FRY: variants seen among roughly 807,000 people sequenced by gnomAD.
FRY encodes protein furry homolog.
Under a neutral mutation model 348.4 loss-of-function variants are expected in FRY, and 128 were observed. The observed-to-expected ratio is 0.37, with a 90% CI of 0.32 to 0.43. The LOEUF (loss-of-function observed/expected upper bound fraction) is 0.43. Ranked by LOEUF, FRY falls within the 20% of genes least tolerant of loss-of-function variation. FRY has a pLI of 1.00. For missense variants in FRY, 2,736 were observed against 3,695.2 expected (o/e 0.74, Z 6.73); for synonymous variants, 1,370 against 1,374.7 (o/e 1.00, Z 0.08).
At chr13:32,246,336 T>A (rs1318232536) in intron 47 of FRY, among the ~76,000 whole-genome samples, 1 of 152,246 alleles carries the variant, frequency 6.6e-6, no homozygotes, top group Non-Finnish European at 1.5e-5. Context: ...AATATTTTTA[T>A]GGGAGCGGCA....
chr13:32,193,450 G>A (rs1438657904), intron 28 of FRY, among the ~76,000 whole-genome samples: 1 of 151,610 alleles, frequency 6.6e-6, no homozygotes. Flanking sequence ...CATGCACGGT[G>A]GTAACATCAA....
intron 31 of FRY, among the ~76,000 whole-genome samples, chr13:32,207,166 C>A (rs1884400393): frequency 6.6e-6 from 1 of 152,112 alleles, no homozygotes; most frequent in African/African-American, 2.4e-5. Flanking sequence ...AGTCTTTGCT[C>A]CGAAAAGTCC....
At chr13:32,063,264 A>C (rs956121488) in intron 1 of FRY, among the ~76,000 whole-genome samples, 3 of 152,160 alleles carry the variant, frequency 2.0e-5, no homozygotes, top group African/African-American at 7.2e-5. Context: ...TGTGTAATGC[A>C]TTTGCCAATT....
intron 1 of FRY, among the ~76,000 whole-genome samples, chr13:32,048,136 G>T (rs1007573147): frequency 6.6e-6 from 1 of 152,094 alleles, no homozygotes; most frequent in Non-Finnish European, 1.5e-5. Flanking sequence ...GGGCACATTG[G>T]CTCTGTGAAT....
chr13:32,247,262 C>T (rs1014023206), intron 47 of FRY, 61 bp from the exon 48 acceptor site: 1 of 1,357,142 alleles, frequency 7.4e-7, no homozygotes. Context: ...GTCATTCTGA[C>T]ATACATTAGC....
At chr13:32,151,659 T>C (rs1448627023) in intron 14 of FRY, among the ~76,000 whole-genome samples, 1 of 152,248 alleles carries the variant, frequency 6.6e-6, no homozygotes, top group Non-Finnish European at 1.5e-5. Flanking sequence ...AATTGTCTTG[T>C]TTTAGTGCAC....
intron 11 of FRY, among the ~76,000 whole-genome samples, chr13:32,140,639 T>C (rs548525309): frequency 6.8e-4 from 103 of 151,954 alleles, no homozygotes; most frequent in Admixed American, 1.4e-3. Flanking sequence ...GAAAACCTAA[T>C]AGATATTAGG....
At chr13:32,240,833 C>T (rs1886460202) in intron 46 of FRY, among the ~76,000 whole-genome samples, 1 of 152,160 alleles carries the variant, frequency 6.6e-6, no homozygotes. Context: ...ATCATCAATC[C>T]AGATGCCAGA....
intron 51 of FRY, among the ~76,000 whole-genome samples, chr13:32,260,775 G>A (rs554270948): frequency 2.0e-5 from 3 of 151,746 alleles, no homozygotes; most frequent in East Asian, 1.9e-4. Context: ...AGCTGAGATC[G>A]CGCCACTGCA....
intron 1 of FRY, among the ~76,000 whole-genome samples, chr13:32,050,955 G>A (rs951752704): frequency 1.3e-5 from 2 of 152,084 alleles, no homozygotes; most frequent in African/African-American, 2.4e-5. Context: ...CACCACATAC[G>A]CATTTTAGGA....
intron 26 of FRY, among the ~76,000 whole-genome samples, chr13:32,185,689 A>C (rs961879026): frequency 6.6e-6 from 1 of 152,242 alleles, no homozygotes; most frequent in East Asian, 1.9e-4. Context: ...ATATCTGGTT[A>C]GTTTGCTATA....
At chr13:32,129,197 A>C (rs1879204507) in intron 7 of FRY, among the ~76,000 whole-genome samples, 1 of 152,214 alleles carries the variant, frequency 6.6e-6, no homozygotes, top group Admixed American at 6.5e-5. Flanking sequence ...GAGAGGTTAC[A>C]TGGTGTCCAT....
At position 32,094,795 on chromosome 13, in the gene FRY, A is replaced by G. The variant is rs117878735; in HGVS notation, c.271-7168A>G. ...CTTAGGTTGCTTCTAAATCTTGGCT[A>G]TTGTGCACAGAGCTGCAACAAATGT... On this transcript the variant is annotated intron_variant, in intron 2 of 60. Transcript: ENST00000542859. Among the ~76,000 whole-genome samples, 36 of 152,232 alleles carry G rather than the reference A, an allele frequency of 2.4e-4. No individual in the cohort carries two copies. The East Asian group carries it at 6.6e-3, about 28-fold the overall frequency.
Position 32,178,968 on chromosome 13 carries a change from T to G in FRY, c.2806T>G (p.Leu936Val), listed in dbSNP as rs749894159. 1 of 1,613,970 alleles carries G rather than the reference T, an allele frequency of 6.2e-7. No homozygotes were observed. The highest frequency in any genetic ancestry group is 8.5e-7 in the Non-Finnish European group (1 of 1,179,850). Reference sequence around the variant, plus strand: ...ACCCAGTATTATGAGCCCAGGACACTTAAGAGCTTCCACTCCAGAAATAAT... The same window carrying G: ...ACCCAGTATTATGAGCCCAGGACACGTAAGAGCTTCCACTCCAGAAATAAT... Reference protein sequence around the residue: ...AKPSIMSPGHLRASTPEIMAT... With the variant: ...AKPSIMSPGHVRASTPEIMAT... The change falls in exon 22 of 61, where the codon TTA becomes GTA. Residue 936 changes from leucine (L) to valine (V), a missense_variant. This residue lies in a region of FRY where 449 missense variants were observed against 576.9 expected (regional missense o/e 0.78). Coordinates refer to ENST00000542859, the MANE Select transcript of FRY (RefSeq NM_023037.3).
chr13:32,102,547 A>C (rs1877233469), intron 3 of FRY, among the ~76,000 whole-genome samples: 1 of 152,244 alleles, frequency 6.6e-6, no homozygotes. Flanking sequence ...AGTATAAAAC[A>C]GTATAGGATC....
intron 17 of FRY, among the ~76,000 whole-genome samples, chr13:32,167,937 A>G (rs981560635): frequency 6.6e-6 from 1 of 152,196 alleles, no homozygotes; most frequent in African/African-American, 2.4e-5. Context: ...GGTGGGCTTC[A>G]GGCCTTTTAC....
At chr13:32,144,790 A>T (rs1880297907) in intron 11 of FRY, among the ~76,000 whole-genome samples, 1 of 152,200 alleles carries the variant, frequency 6.6e-6, no homozygotes, top group Admixed American at 6.5e-5. Flanking sequence ...GGGGTAAATA[A>T]TGTCCCCTTT....
chr13:32,194,238 A>G lies in FRY; in HGVS notation c.3687A>G (p.Thr1229=), dbSNP rs1299829666. The change falls in exon 29 of 61, where the codon ACA becomes ACG. Residue 1229 remains threonine (T), a synonymous_variant. Transcript: ENST00000542859. Reference sequence around the variant, plus strand: ...ACTGGGCAATTGACCGATGCTACACAGGTTCCTACCAACTTGCATCTGGCT... The same window carrying G: ...ACTGGGCAATTGACCGATGCTACACGGGTTCCTACCAACTTGCATCTGGCT... The part of the protein sequence containing the change: ...LFNWAIDRCY[T]GSYQLASGCF... The G allele has an allele frequency of 3.7e-6, 6 of 1,614,106 alleles. No individual in the cohort carries two copies. The highest frequency in any genetic ancestry group is 4.2e-6 in the Non-Finnish European group (5 of 1,179,936).
chr13:32,209,839 T>C, intron 33 of FRY, 108 bp downstream of exon 33: 1 of 1,124,084 alleles, frequency 8.9e-7, no homozygotes, highest in East Asian at 2.4e-5. Flanking sequence ...AAATGTCCAG[T>C]TAGTCACATG....
Sources: gnomAD v4.1 joint callset for allele counts (sites outside exome capture counted in the v4.1 genomes callset) on GRCh38, gnomAD v4.1.1 for gene constraint, gnomAD v4.1.1 regional missense constraint, MANE v1.5 for transcripts, NCBI Gene and HGNC (gene_info 2026-07-23, HGNC 2026-07-21) for gene names.